The following ZNF670 variants were observed in gnomAD, a reference collection of about 807,000 sequenced individuals.
The protein encoded by ZNF670 is zinc finger protein 670.
In ZNF670, 7 loss-of-function variants were observed where a neutral mutation model predicts 10.9. That is an observed-to-expected ratio of 0.64 (90% CI 0.36 to 1.20). ZNF670 has a LOEUF of 1.20. ZNF670 is among the 50% of genes most tolerant of loss of function. The pLI, the probability that ZNF670 is intolerant of heterozygous loss-of-function variation, is 0.02. For synonymous variants in ZNF670, 136 were observed against 152.7 expected, an observed-to-expected ratio of 0.89 and a Z score of 0.81; for missense variants, 446 against 458.6, an observed-to-expected ratio of 0.97 and a Z score of 0.25.
intron 1 of ZNF670, among the ~76,000 whole-genome samples, chr1:247,076,110 T>C (rs912085136): frequency 3.3e-5 from 5 of 152,262 alleles, no homozygotes; most frequent in Admixed American, 6.5e-5. Context: ...GGAGGGGTCA[T>C]GCTGGCAGAA....
In ZNF670 at chr1:247,037,636, T is replaced by C; in HGVS notation, c.983A>G (p.Glu328Gly). The C allele has an allele frequency of 6.2e-7, 1 of 1,614,126 alleles. No individual in the cohort carries two copies. The highest frequency in any genetic ancestry group is 8.5e-7 in the Non-Finnish European group (1 of 1,180,002). The change falls in exon 4 of 4, where the codon GAA (glutamate) becomes GGA (glycine). Residue 328 changes from glutamate to glycine, a missense_variant. Coordinates refer to ENST00000366503, the MANE Select transcript of ZNF670 (RefSeq NM_033213.5). ...AGGTTTCACTCCAGTGTGAGTTCTT[T>C]CATGCTCACATAGGTTACTAGAATA... The part of the protein sequence containing the change: ...FKYSSNLCEH[E>G]RTHTGVKPYG...
chr1:247,064,833 C>T (rs1320811267), intron 1 of ZNF670, among the ~76,000 whole-genome samples: 1 of 152,036 alleles, frequency 6.6e-6, no homozygotes, highest in Non-Finnish European at 1.5e-5. Context: ...TTGACTGGGT[C>T]TCACTCTGTC....
intron 1 of ZNF670, among the ~76,000 whole-genome samples, chr1:247,071,262 C>G (rs561663636): frequency 6.6e-6 from 1 of 152,186 alleles, no homozygotes; most frequent in African/African-American, 2.4e-5. Flanking sequence ...ATATGTGGTA[C>G]ACATACATCC....
chr1:247,062,776 T>C (rs2103066665), intron 1 of ZNF670, among the ~76,000 whole-genome samples: 1 of 152,316 alleles, frequency 6.6e-6, no homozygotes, highest in East Asian at 1.9e-4. Context: ...ATGAAGGGTC[T>C]ATCGGAAGAC....
intron 1 of ZNF670, among the ~76,000 whole-genome samples, chr1:247,062,907 T>C (rs950916127): frequency 3.6e-4 from 55 of 150,880 alleles, no homozygotes; most frequent in African/African-American, 5.1e-4. Context: ...AAGGCCACTG[T>C]GGGCATCTTG....
chr1:247,058,723 A>AAC (rs1277289210), intron 1 of ZNF670, among the ~76,000 whole-genome samples: 3 of 151,802 alleles, frequency 2.0e-5, no homozygotes, highest in African/African-American at 4.8e-5. Context: ...AAAAAAAAAA[A>AAC]AAACCACAGT....
chr1:247,062,474 A>G lies in ZNF670; in HGVS notation c.3+16120T>C, dbSNP rs893737369. The stretch of plus-strand genomic sequence containing the variant: ...CTTTTTATCTCTACTGATGAAATAC[A>G]CTTTACATTTAATAAAGGAATGAGG... On this transcript the variant is annotated intron_variant, in intron 1 of 3. Transcript: ENST00000366503. 8.5e-5 allele frequency among the ~76,000 whole-genome samples: 13 copies of G among 152,210 alleles called. No individual in the cohort carries two copies. The South Asian group carries it at 2.1e-3, about 24-fold the overall frequency.
intron 1 of ZNF670, among the ~76,000 whole-genome samples, chr1:247,053,356 G>A (rs986468063): frequency 4.6e-5 from 7 of 152,170 alleles, no homozygotes; most frequent in East Asian, 1.9e-4. Flanking sequence ...AGTTCAGGCC[G>A]GCGCGGTGGC....
At chr1:247,043,183 G>C in intron 1 of ZNF670, 1 of 754,916 alleles carries the variant, frequency 1.3e-6, no homozygotes, top group Middle Eastern at 2.5e-4. Flanking sequence ...TCTACGTGCT[G>C]GACCCTCATG....
At chr1:247,058,376 T>C (rs1670769668) in intron 1 of ZNF670, among the ~76,000 whole-genome samples, 1 of 152,034 alleles carries the variant, frequency 6.6e-6, no homozygotes, top group African/African-American at 2.4e-5. Context: ...GCAGTACAAG[T>C]GGTGCTTGGA....
chr1:247,056,132 T>C (rs1012516898), intron 1 of ZNF670, among the ~76,000 whole-genome samples: 1 of 141,306 alleles, frequency 7.1e-6, no homozygotes, highest in Non-Finnish European at 1.5e-5. Context: ...AAAAAAAAAA[T>C]CAATAATGAA....
At chr1:247,078,480 C>T (rs1671307420) in intron 1 of ZNF670, 114 bp downstream of exon 1, 3 of 1,391,262 alleles carry the variant, frequency 2.2e-6, no homozygotes, top group African/African-American at 2.9e-5. Flanking sequence ...CCACTAAGGC[C>T]GCGAGGCGCC....
Position 247,078,182 on chromosome 1 carries a change from C to T in ZNF670, c.3+412G>A, listed in dbSNP as rs114398427. On this transcript the variant is annotated intron_variant, in intron 1 of 3. Transcript: ENST00000366503. ...TGGCTTCCTAACTCACGACTCTCTG[C>T]TCAAATAAACTCCTTAATATTTTAA... 3.9e-3 allele frequency among the ~76,000 whole-genome samples: 596 copies of T among 152,314 alleles called. 4 individuals carry two copies. Among genetic ancestry groups the T allele is most frequent in the African/African-American group, 0.013 (534 of 41,584 alleles).
At chr1:247,050,323 T>C (rs544484033) in intron 1 of ZNF670, among the ~76,000 whole-genome samples, 1 of 152,222 alleles carries the variant, frequency 6.6e-6, no homozygotes, top group African/African-American at 2.4e-5. Context: ...TTGTTTTCTC[T>C]GATGTAAGAA....
rs749178069 is a variant in ZNF670, at chr1:247,039,547, C to T, written c.4-10G>A. ...CAAATGACACTGAATCCTAGAATAT[C>T]GCACATATGTGGAGAGGAGGATGGC... On this transcript the variant is annotated splice_polypyrimidine_tract_variant and intron_variant, in intron 1 of 3. Transcript: ENST00000366503. 21 of 1,573,988 alleles carry T rather than the reference C, an allele frequency of 1.3e-5. No homozygotes were observed. The highest frequency in any genetic ancestry group is 1.9e-5 in the Admixed American group (1 of 51,458).
intron 1 of ZNF670, 94 bp downstream of exon 1, chr1:247,078,500 T>G: frequency 6.5e-7 from 1 of 1,529,898 alleles, no homozygotes; most frequent in Non-Finnish European, 8.9e-7. Flanking sequence ...CGGCGGAAAC[T>G]CGGGTCGGCA....
chr1:247,055,190 G>A (rs1014177736), intron 1 of ZNF670, among the ~76,000 whole-genome samples: 2 of 152,346 alleles, frequency 1.3e-5, no homozygotes, highest in Middle Eastern at 3.4e-3. Context: ...TATAACCAGC[G>A]GGCTTCCAGG....
intron 1 of ZNF670, among the ~76,000 whole-genome samples, chr1:247,040,685 TA>T (rs1378795148): frequency 6.6e-5 from 10 of 152,294 alleles, no homozygotes; most frequent in Admixed American, 1.3e-4. Context: ...ATTTTTATTT[TA>T]TTTTTTTATT....
intron 1 of ZNF670, among the ~76,000 whole-genome samples, chr1:247,054,319 C>A (rs1180390427): frequency 6.6e-6 from 1 of 152,230 alleles, no homozygotes; most frequent in Admixed American, 6.5e-5. Flanking sequence ...TACTGAGATG[C>A]CAGCTGGCAT....
Sources: allele counts gnomAD v4.1 joint callset (sites outside exome capture counted in the v4.1 genomes callset), GRCh38; gene constraint gnomAD v4.1.1; transcripts MANE v1.5; gene names NCBI Gene and HGNC (gene_info 2026-07-23, HGNC 2026-07-21).